Variants in PSENEN observed in about 807,000 individuals in gnomAD.
PSENEN encodes the protein gamma-secretase subunit PEN-2.
PSENEN carries 4 observed loss-of-function variants against 15.4 expected under a neutral mutation model. That is an observed-to-expected ratio of 0.26 (90% CI 0.13 to 0.59). The LOEUF (loss-of-function observed/expected upper bound fraction) is 0.59, where lower values mean the gene tolerates loss of function less well. PSENEN is among the 20% of genes least tolerant of loss of function. PSENEN has a pLI of 0.89. For missense variants in PSENEN, 112 were observed against 120.3 expected (o/e 0.93, Z 0.32); for synonymous variants, 42 against 46.5 (o/e 0.90, Z 0.39).
rs1197399487 is a variant in PSENEN at position 35,747,249 on chromosome 19, C to CA, written c.*403dup. 1 of 136,188 alleles carries CA rather than the reference C, an allele frequency of 7.3e-6. No homozygotes were observed. Among genetic ancestry groups the CA allele is most frequent in the Non-Finnish European group, 1.5e-5 (1 of 68,294 alleles). 8.4% of individuals were successfully genotyped at this position (136,188 alleles called of 1,614,324 possible). A position where few individuals can be genotyped will look rare whatever the true frequency, so the allele number is the denominator to read the frequency against. On this transcript the variant is annotated 3_prime_UTR_variant, in exon 4 of 4. Coordinates refer to ENST00000587708, the MANE Select transcript of PSENEN (RefSeq NM_172341.4). ...TTCTTTTTTTTTTTTTTTTTTGAGA[C>CA]AGAGTCTTGCTCTGTCAGCCAGGCT...
At position 35,747,068 on chromosome 19, in the gene PSENEN, T is replaced by C. The variant is rs1739390366; in HGVS notation, c.*221T>C. On this transcript the variant is annotated 3_prime_UTR_variant, in exon 4 of 4. Coordinates refer to ENST00000587708, the MANE Select transcript of PSENEN (RefSeq NM_172341.4). The stretch of plus-strand genomic sequence containing the variant: ...ATGATTATTAATATTTAAAAACATC[T>C]GTTGAGAGCTTTGTACGAGGCTTAG... 3.9e-6 allele frequency: 2 copies of C among 516,870 alleles called. No individual in the cohort carries two copies. Among genetic ancestry groups the C allele is most frequent in the Non-Finnish European group, 6.8e-6 (2 of 295,798 alleles). The allele number at this position is 516,870 out of a possible 1,614,324, so 32.0% of individuals were successfully genotyped here.
Position 35,746,576 on chromosome 19 carries a change from G to T in PSENEN, c.166+53G>T, listed in dbSNP as rs759159965. 1.4e-4 allele frequency: 221 copies of T among 1,600,054 alleles called. No homozygotes were observed. The Middle Eastern group carries it at 2.0e-3, about 14-fold the overall frequency. On this transcript the variant is annotated intron_variant, in intron 3 of 3. Coordinates refer to ENST00000587708, the MANE Select transcript of PSENEN (RefSeq NM_172341.4). ...CCAGTGGCAGGGGAGAGGGGGAAGCGGGGAATCTTGGTGGGAAGGGACAAT... is the reference window on the plus strand; with the variant it reads ...CCAGTGGCAGGGGAGAGGGGGAAGCTGGGAATCTTGGTGGGAAGGGACAAT...
chr19:35,746,623 C>T, intron 3 of PSENEN, 85 bp from the exon 4 acceptor site: 1 of 1,610,430 alleles, frequency 6.2e-7, no homozygotes, highest in Non-Finnish European at 8.5e-7. Context: ...AATGTTGGGG[C>T]TCTGGGTGAG....
Position 35,747,103 on chromosome 19 carries a change from A to T in PSENEN, c.*256A>T. 1 of 416,414 alleles carries T rather than the reference A, an allele frequency of 2.4e-6. No individual in the cohort carries two copies. Among genetic ancestry groups the T allele is most frequent in the Non-Finnish European group, 4.3e-6 (1 of 234,504 alleles). The allele number at this position is 416,414 out of a possible 1,614,324, so 25.8% of individuals were successfully genotyped here. On this transcript the variant is annotated 3_prime_UTR_variant, in exon 4 of 4. Transcript: ENST00000587708. The stretch of plus-strand genomic sequence containing the variant: ...TTTGTACGAGGCTTAGTATTTAGAC[A>T]TGATGTACATTTTTTACAGTGCATA...
chr19:35,746,006 TAGGGTCCCAGGAGAAGAGAGG>T lies in PSENEN; in HGVS notation c.61+16_61+36del. 1.9e-6 allele frequency: 3 copies of T among 1,613,658 alleles called. No homozygotes were observed. Among genetic ancestry groups the T allele is most frequent in the Non-Finnish European group, 2.5e-6 (3 of 1,179,716 alleles). ...GTACTACCTGGGTAAGGCAGATCGC[TAGGGTCCCAGGAGAAGAGAGG>T]GGACTGGACTAGAGCACCCGAGGGA... On this transcript the variant is annotated intron_variant, in intron 2 of 3. Coordinates refer to ENST00000587708, the MANE Select transcript of PSENEN (RefSeq NM_172341.4).
chr19:35,746,608 T>TC (rs1192946968), intron 3 of PSENEN, 85 bp downstream of exon 3: 9 of 1,607,636 alleles, frequency 5.6e-6, no homozygotes, highest in African/African-American at 1.3e-5. Flanking sequence ...CAATGGAGGA[T>TC]CCAAAATGTT....
intron 2 of PSENEN, 127 bp from the exon 3 acceptor site, chr19:35,746,292 C>A: frequency 1.2e-6 from 1 of 861,098 alleles, no homozygotes; most frequent in Non-Finnish European, 1.9e-6. Context: ...TCCCTGACAA[C>A]AGAAATCTCC....
chr19:35,746,316 TGTGGGAGA>T, intron 2 of PSENEN, 95 bp from the exon 3 acceptor site: 2 of 995,416 alleles, frequency 2.0e-6, no homozygotes, highest in Non-Finnish European at 3.1e-6. Flanking sequence ...TGAACTTGGG[TGTGGGAGA>T]GTTTCTTCCA....
At position 35,746,867 on chromosome 19, in the gene PSENEN, G is replaced by T. The variant is rs777852423; in HGVS notation, c.*20G>T. ...CCCTGACAACTTCTGCACATACTGG[G>T]GCCCTGCTTATTCTCCCAGGACAGG... is the stretch of plus-strand genomic sequence containing the variant. On this transcript the variant is annotated 3_prime_UTR_variant, in exon 4 of 4. Coordinates refer to ENST00000587708, the MANE Select transcript of PSENEN (RefSeq NM_172341.4). 1 of 1,613,114 alleles carries T rather than the reference G, an allele frequency of 6.2e-7. No homozygotes were observed. The highest frequency in any genetic ancestry group is 2.2e-5 in the East Asian group (1 of 44,840).
In PSENEN at chr19:35,746,555, T is replaced by G. The variant is rs773598013; in HGVS notation, c.166+32T>G. 1.0e-5 allele frequency: 16 copies of G among 1,604,066 alleles called. No homozygotes were observed. In the South Asian group the frequency reaches 1.7e-4, roughly 17 times the overall value. The stretch of plus-strand genomic sequence containing the variant: ...CTAGAGCACAGAGGAGGGAGGCCAG[T>G]GGCAGGGGAGAGGGGGAAGCGGGGA... On this transcript the variant is annotated intron_variant, in intron 3 of 3. Coordinates refer to ENST00000587708, the MANE Select transcript of PSENEN (RefSeq NM_172341.4).
chr19:35,747,066 T>C lies in PSENEN; in HGVS notation c.*219T>C. 1.9e-6 allele frequency: 1 copy of C among 524,818 alleles called. No homozygotes were observed. Among genetic ancestry groups the C allele is most frequent in the Non-Finnish European group, 3.3e-6 (1 of 300,516 alleles). The allele number at this position is 524,818 out of a possible 1,614,324, so 32.5% of individuals were successfully genotyped here. A position where few individuals can be genotyped will look rare whatever the true frequency, so the allele number is the denominator to read the frequency against. ...AAATGATTATTAATATTTAAAAACA[T>C]CTGTTGAGAGCTTTGTACGAGGCTT... On this transcript the variant is annotated 3_prime_UTR_variant, in exon 4 of 4. Transcript: ENST00000587708.
chr19:35,745,858 G>C lies in PSENEN; in HGVS notation c.-73G>C. 7.0e-7 allele frequency: 1 copy of C among 1,425,860 alleles called. No individual in the cohort carries two copies. The highest frequency in any genetic ancestry group is 1.1e-5 in the South Asian group (1 of 87,242). 88.3% of individuals were successfully genotyped at this position (1,425,860 alleles called of 1,614,324 possible). On this transcript the variant is annotated 5_prime_UTR_variant, in exon 2 of 4. Coordinates refer to ENST00000587708, the MANE Select transcript of PSENEN (RefSeq NM_172341.4). ...AGGGGCGTGGTTGTTCGTGATCCTT[G>C]CATCTGTTACTTAGGGTCAAGGCTT...
chr19:35,746,317 G>A (rs549625374), intron 2 of PSENEN, 102 bp from the exon 3 acceptor site: 2 of 1,011,528 alleles, frequency 2.0e-6, no homozygotes, highest in African/African-American at 1.6e-5. Context: ...GAACTTGGGT[G>A]TGGGAGAGTT....
At chr19:35,746,282 T>A (rs757893509) in intron 2 of PSENEN, 137 bp from the exon 3 acceptor site, 25 of 807,662 alleles carry the variant, frequency 3.1e-5, no homozygotes, top group Admixed American at 1.4e-4. Context: ...GATTCCTGAG[T>A]CCCTGACAAC....
rs993882881 is a variant in PSENEN at position 35,746,716 on chromosome 19, C to T, written c.175C>T (p.Arg59Cys). 3.7e-6 allele frequency: 6 copies of T among 1,614,138 alleles called. No homozygotes were observed. The African/African-American group carries it at 4.0e-5, about 11-fold the overall frequency. Residue 59 changes from arginine (R) to cysteine (C), a missense_variant, in exon 4 of 4, where the codon CGC (arginine) becomes TGC (cysteine). Coordinates refer to ENST00000587708, the MANE Select transcript of PSENEN (RefSeq NM_172341.4). Reference protein sequence around the residue: ...EQSQIKGYVWRSAVGFLFWVI... With the variant: ...EQSQIKGYVWCSAVGFLFWVI... Reference sequence around the variant, plus strand: ...TCTGTTTCCCATGACAGATGTCTGGCGCTCAGCTGTGGGCTTCCTCTTCTG... The same window carrying T: ...TCTGTTTCCCATGACAGATGTCTGGTGCTCAGCTGTGGGCTTCCTCTTCTG...
intron 2 of PSENEN, among the ~76,000 whole-genome samples, 177 bp from the exon 3 acceptor site, chr19:35,746,242 A>C (rs1970564034): frequency 6.6e-6 from 1 of 152,102 alleles, no homozygotes; most frequent in African/African-American, 2.4e-5. Flanking sequence ...TGGTTGAGGA[A>C]TCAGATTCCT....
Position 35,746,860 on chromosome 19 carries a change from A to T in PSENEN, c.*13A>T, listed in dbSNP as rs1970592117. The T allele has an allele frequency of 6.2e-7, 1 of 1,613,270 alleles. No individual in the cohort carries two copies. Among genetic ancestry groups the T allele is most frequent in the Admixed American group, 1.7e-5 (1 of 59,962 alleles). On this transcript the variant is annotated 3_prime_UTR_variant, in exon 4 of 4. Coordinates refer to ENST00000587708, the MANE Select transcript of PSENEN (RefSeq NM_172341.4). Reference sequence around the variant, plus strand: ...GGGCACCCCCTGACAACTTCTGCACATACTGGGGCCCTGCTTATTCTCCCA... The same window carrying T: ...GGGCACCCCCTGACAACTTCTGCACTTACTGGGGCCCTGCTTATTCTCCCA...
chr19:35,746,054 G>C (rs1970559108), intron 2 of PSENEN, 63 bp downstream of exon 2: 1 of 1,520,818 alleles, frequency 6.6e-7, no homozygotes, highest in African/African-American at 1.4e-5. Flanking sequence ...CCCGAGGGAA[G>C]AGGGCCTCGG....
Position 35,746,714 on chromosome 19 carries a change from G to C in PSENEN, c.173G>C (p.Trp58Ser), listed in dbSNP as rs983662386. Residue 58 changes from tryptophan to serine, a missense_variant, in exon 4 of 4, where the codon TGG (tryptophan) becomes TCG (serine). Trp to Ser is a radical substitution (Grantham distance 177, BLOSUM62 -3). Coordinates refer to ENST00000587708, the MANE Select transcript of PSENEN (RefSeq NM_172341.4). ...CTTCTGTTTCCCATGACAGATGTCTGGCGCTCAGCTGTGGGCTTCCTCTTC... is the reference window on the plus strand; with the variant it reads ...CTTCTGTTTCCCATGACAGATGTCTCGCGCTCAGCTGTGGGCTTCCTCTTC... The part of the protein sequence containing the change: ...TEQSQIKGYV[W>S]RSAVGFLFWV... 1.9e-6 allele frequency: 3 copies of C among 1,614,056 alleles called. No individual in the cohort carries two copies. The African/African-American group carries it at 4.0e-5, about 22-fold the overall frequency.
Sources: gnomAD v4.1 joint callset for allele counts (sites outside exome capture counted in the v4.1 genomes callset) on GRCh38, gnomAD v4.1.1 for gene constraint, MANE v1.5 for transcripts, NCBI Gene and HGNC (gene_info 2026-07-23, HGNC 2026-07-21) for gene names.